The following TNNI3K variants were observed in gnomAD, a reference collection of about 807,000 sequenced individuals.
The protein encoded by TNNI3K is serine/threonine-protein kinase TNNI3K.
A neutral mutation model predicts 114.5 loss-of-function variants in TNNI3K; 140 were observed. The ratio of observed to expected loss-of-function variants is 1.22; its 90% confidence interval spans 1.07 to 1.41. TNNI3K has a LOEUF of 1.41. Among genes scored for constraint, TNNI3K ranks in the 40% most tolerant of loss-of-function variants. TNNI3K has a pLI of 0.00. For missense variants in TNNI3K, 1,125 were observed against 1,007.6 expected (o/e 1.12, Z -1.58); for synonymous variants, 347 against 347.5 (o/e 1.00, Z 0.02).
chr1:74,254,926 A>T (rs557399737), intron 4 of TNNI3K, among the ~76,000 whole-genome samples: 1 of 152,174 alleles, frequency 6.6e-6, no homozygotes. Context: ...TTGTGATAAC[A>T]TATTAATTTT....
chr1:74,484,106 T>C (rs1021979358), intron 21 of TNNI3K, among the ~76,000 whole-genome samples: 7 of 151,994 alleles, frequency 4.6e-5, no homozygotes, highest in African/African-American at 7.3e-5. Flanking sequence ...ATGTTAAACT[T>C]TACCTTTATT....
intron 5 of TNNI3K, among the ~76,000 whole-genome samples, chr1:74,279,859 G>A (rs1331636430): frequency 6.6e-6 from 1 of 152,086 alleles, no homozygotes; most frequent in Non-Finnish European, 1.5e-5. Context: ...TAAGAAGAAA[G>A]TTATAATGCA....
chr1:74,434,651 G>C (rs986009397), intron 17 of TNNI3K, among the ~76,000 whole-genome samples: 1 of 151,818 alleles, frequency 6.6e-6, no homozygotes, highest in African/African-American at 2.4e-5. Flanking sequence ...TTCTCTGACA[G>C]GACAGTCTGA....
chr1:74,492,418 C>A, intron 23 of TNNI3K, 152 bp downstream of exon 23: 1 of 1,091,014 alleles, frequency 9.2e-7, no homozygotes, highest in Non-Finnish European at 1.2e-6. Context: ...TACGTTATGA[C>A]TAAAAATTAG....
chr1:74,407,859 A>T (rs1161482467), intron 17 of TNNI3K, among the ~76,000 whole-genome samples: 1 of 152,194 alleles, frequency 6.6e-6, no homozygotes, highest in African/African-American at 2.4e-5. Flanking sequence ...ATAATATAAA[A>T]CTTTAGCATT....
chr1:74,247,537 C>G (rs1654651600), intron 2 of TNNI3K, among the ~76,000 whole-genome samples: 1 of 152,178 alleles, frequency 6.6e-6, no homozygotes, highest in South Asian at 2.1e-4. Context: ...TTGGCCCCAC[C>G]CACATCCTGC....
At chr1:74,410,886 G>A (rs1213559587) in intron 17 of TNNI3K, among the ~76,000 whole-genome samples, 1 of 152,166 alleles carries the variant, frequency 6.6e-6, no homozygotes, top group Non-Finnish European at 1.5e-5. Flanking sequence ...CAAACAGACT[G>A]ATTTCTTTCA....
intron 5 of TNNI3K, among the ~76,000 whole-genome samples, chr1:74,303,697 T>G (rs144967287): frequency 6.4e-4 from 97 of 152,316 alleles, no homozygotes; most frequent in African/African-American, 2.3e-3. Flanking sequence ...AGAAATACAT[T>G]TTGTAAGATT....
At chr1:74,409,668 A>G (rs1325288457) in intron 17 of TNNI3K, among the ~76,000 whole-genome samples, 3 of 151,174 alleles carry the variant, frequency 2.0e-5, no homozygotes, top group Admixed American at 1.3e-4. Flanking sequence ...AATTTTTTGT[A>G]TTTTTAGTGG....
rs183975923 is a variant in TNNI3K at position 74,326,180 on chromosome 1, A to G, written c.445-5270A>G. On this transcript the variant is annotated intron_variant, in intron 5 of 24. Coordinates refer to ENST00000326637, the MANE Select transcript of TNNI3K (RefSeq NM_015978.3). ...AATTTCCAAGTGTAGATATTTATTGAAAGTCTGCTAGGTATGAGACACTGT... is the reference window on the plus strand; with the variant it reads ...AATTTCCAAGTGTAGATATTTATTGGAAGTCTGCTAGGTATGAGACACTGT... Among the ~76,000 whole-genome samples the G allele has an allele frequency of 2.6e-5, 4 of 152,244 alleles. No individual in the cohort carries two copies. In the East Asian group the frequency reaches 7.7e-4, roughly 29 times the overall value.
At chr1:74,289,370 T>A (rs1251466601) in intron 5 of TNNI3K, among the ~76,000 whole-genome samples, 2 of 151,874 alleles carry the variant, frequency 1.3e-5, no homozygotes, top group African/African-American at 4.8e-5. Flanking sequence ...ATTTAAAGTA[T>A]AAAAAAAGAA....
chr1:74,524,049 C>A (rs955645249), intron 23 of TNNI3K, among the ~76,000 whole-genome samples: 4 of 152,152 alleles, frequency 2.6e-5, no homozygotes, highest in Non-Finnish European at 4.4e-5. Flanking sequence ...TTGCTTTCAC[C>A]AAAAATTGTT....
chr1:74,360,694 T>C (rs766690854), intron 11 of TNNI3K, among the ~76,000 whole-genome samples: 1 of 152,084 alleles, frequency 6.6e-6, no homozygotes, highest in Non-Finnish European at 1.5e-5. Flanking sequence ...GATTGCCACT[T>C]GGTCTTCAAG....
intron 20 of TNNI3K, among the ~76,000 whole-genome samples, chr1:74,460,068 A>G (rs973094040): frequency 5.3e-5 from 8 of 152,068 alleles, no homozygotes; most frequent in Non-Finnish European, 1.2e-4. Context: ...ATCATATTTA[A>G]CAACATATAA....
chr1:74,538,251 C>A (rs1405466382), intron 23 of TNNI3K, among the ~76,000 whole-genome samples: 12 of 151,980 alleles, frequency 7.9e-5, no homozygotes, highest in African/African-American at 2.7e-4. Flanking sequence ...CACAGAGACC[C>A]AAGTAGGGCT....
At chr1:74,485,564 A>C (rs897648266) in intron 21 of TNNI3K, among the ~76,000 whole-genome samples, 4 of 152,198 alleles carry the variant, frequency 2.6e-5, no homozygotes, top group Non-Finnish European at 5.9e-5. Context: ...CCTGTCCTTC[A>C]GTGTGGGCAG....
chr1:74,359,428 A>G lies in TNNI3K; in HGVS notation c.1177+5299A>G, dbSNP rs563530392. The stretch of plus-strand genomic sequence containing the variant: ...AGAAATTTTAATATATTAGGATAAT[A>G]GGAATCCGCTATAAACCCTCTGATG... On this transcript the variant is annotated intron_variant, in intron 11 of 24. Coordinates refer to ENST00000326637, the MANE Select transcript of TNNI3K (RefSeq NM_015978.3). Among the ~76,000 whole-genome samples, 58 of 152,098 alleles carry G rather than the reference A, an allele frequency of 3.8e-4. No homozygotes were observed. The South Asian group carries it at 5.4e-3, about 14-fold the overall frequency.
chr1:74,325,186 A>G (rs1659831409), intron 5 of TNNI3K, among the ~76,000 whole-genome samples: 1 of 152,166 alleles, frequency 6.6e-6, no homozygotes. Context: ...AATGTTACTT[A>G]CCCACAGACT....
At chr1:74,274,602 AT>A (rs1015471031) in intron 5 of TNNI3K, among the ~76,000 whole-genome samples, 2 of 152,140 alleles carry the variant, frequency 1.3e-5, no homozygotes, top group African/African-American at 4.8e-5. Flanking sequence ...TGCAGAAAAA[AT>A]ATATAAGCAA....
Sources: gnomAD v4.1 joint callset for allele counts (sites outside exome capture counted in the v4.1 genomes callset) on GRCh38, gnomAD v4.1.1 for gene constraint, MANE v1.5 for transcripts, NCBI Gene and HGNC (gene_info 2026-07-23, HGNC 2026-07-21) for gene names.